The following RAB11FIP3 variants were observed in gnomAD, a reference collection of about 807,000 sequenced individuals.
RAB11FIP3 encodes the protein RAB11 family interacting protein 3.
Under a neutral mutation model 77.8 loss-of-function variants are expected in RAB11FIP3, and 17 were observed. That is an observed-to-expected ratio of 0.22 (90% CI 0.15 to 0.33). The LOEUF (loss-of-function observed/expected upper bound fraction) is 0.33, where lower values mean the gene tolerates loss of function less well. RAB11FIP3 is among the 10% of genes least tolerant of loss of function. The probability of loss-of-function intolerance (pLI) is 1.00; values close to 1 mark genes in which losing one functional copy is unlikely to be tolerated. For missense variants in RAB11FIP3, 1,005 were observed against 1,011.2 expected, an observed-to-expected ratio of 0.99 and a Z score of 0.08; for synonymous variants, 437 against 448.2, an observed-to-expected ratio of 0.98 and a Z score of 0.31.
rs148027841 is a variant in RAB11FIP3, at chr16:492,536, G to A, written c.1265+3536G>A. On this transcript the variant is annotated intron_variant, in intron 5 of 13. Transcript: ENST00000262305. ...GGGCCCTCCCGGGAGACCCGAGGCCGTCCAGAATCTTGGATTCCAAAGATC... is the reference window on the plus strand; with the variant it reads ...GGGCCCTCCCGGGAGACCCGAGGCCATCCAGAATCTTGGATTCCAAAGATC... 6.6e-3 allele frequency among the ~76,000 whole-genome samples: 966 copies of A among 145,808 alleles called. 18 individuals are homozygous for A. Among genetic ancestry groups the A allele is most frequent in the Non-Finnish European group, 9.7e-3 (631 of 65,304 alleles).
intron 6 of RAB11FIP3, among the ~76,000 whole-genome samples, chr16:499,817 AG>A (rs1222015407): frequency 4.7e-5 from 7 of 148,976 alleles, no homozygotes; most frequent in Non-Finnish European, 1.0e-4. Flanking sequence ...AAAAAAAAAA[AG>A]CTCCATCTGC....
rs766743840 is a variant in RAB11FIP3 at position 514,631 on chromosome 16, G to A, written c.1640+3831G>A. On this transcript the variant is annotated intron_variant, in intron 9 of 13. Transcript: ENST00000262305. The surrounding 1 kb of genome is among the most constrained non-coding windows in gnomAD (Gnocchi z 4.6). Reference sequence around the variant, plus strand: ...TGTCATCAGCAGAATGGGGCTGTACGAAGGTCACAGGCAGAGATCTGAATC... The same window carrying A: ...TGTCATCAGCAGAATGGGGCTGTACAAAGGTCACAGGCAGAGATCTGAATC... Among the ~76,000 whole-genome samples the A allele has an allele frequency of 5.9e-5, 9 of 152,204 alleles. No homozygotes were observed. The highest frequency in any genetic ancestry group is 1.7e-4 in the African/African-American group (7 of 41,452).
intron 5 of RAB11FIP3, among the ~76,000 whole-genome samples, chr16:492,709 G>C (rs1321857883): frequency 1.3e-5 from 2 of 152,188 alleles, no homozygotes; most frequent in African/African-American, 2.4e-5. Flanking sequence ...TCACCGATAA[G>C]TTGAGTGCAA....
chr16:485,126 C>A (rs1312464700), intron 4 of RAB11FIP3, among the ~76,000 whole-genome samples: 1 of 152,072 alleles, frequency 6.6e-6, no homozygotes, highest in Non-Finnish European at 1.5e-5. Flanking sequence ...AGAAGAGTTG[C>A]AGGCCACGCA....
intron 1 of RAB11FIP3, among the ~76,000 whole-genome samples, chr16:431,716 C>T (rs531389826): frequency 6.6e-6 from 1 of 151,690 alleles, no homozygotes; most frequent in East Asian, 2.0e-4. Flanking sequence ...AGGTGACTGT[C>T]TATAAAAGTA....
chr16:427,343 G>A (rs1217666750), intron 1 of RAB11FIP3, among the ~76,000 whole-genome samples: 1 of 152,226 alleles, frequency 6.6e-6, no homozygotes, highest in Non-Finnish European at 1.5e-5. Context: ...AATGAGCCTC[G>A]GAGCTTGTTG....
intron 5 of RAB11FIP3, among the ~76,000 whole-genome samples, chr16:492,273 G>C (rs748986783): frequency 5.3e-5 from 8 of 151,432 alleles, no homozygotes; most frequent in African/African-American, 1.9e-4. Context: ...GAGAGGATGG[G>C]GGTGGGGCCC....
chr16:455,369 G>A (rs1227607739), intron 1 of RAB11FIP3, among the ~76,000 whole-genome samples: 2 of 151,486 alleles, frequency 1.3e-5, no homozygotes, highest in Non-Finnish European at 1.5e-5. Flanking sequence ...ATCTACAAAG[G>A]AGGCTGAGGC....
At position 522,251 on chromosome 16, in the gene RAB11FIP3, T is replaced by C. The variant is rs2032733132; in HGVS notation, c.*1412T>C. ...AAACTGTGTATACACATGAAATATA[T>C]ATATATATATATATATATATATGTA... On this transcript the variant is annotated 3_prime_UTR_variant, in exon 14 of 14. Coordinates refer to ENST00000262305, the MANE Select transcript of RAB11FIP3 (RefSeq NM_014700.4). The C allele has an allele frequency of 7.3e-6, 1 of 136,658 alleles. No homozygotes were observed. The highest frequency in any genetic ancestry group is 7.3e-5 in the Admixed American group (1 of 13,720). The allele number at this position is 136,658 out of a possible 1,614,324, so 8.5% of individuals were successfully genotyped here. A position where few individuals can be genotyped will look rare whatever the true frequency, so the allele number is the denominator to read the frequency against.
intron 2 of RAB11FIP3, among the ~76,000 whole-genome samples, chr16:467,312 G>C (rs978796798): frequency 1.3e-5 from 2 of 152,224 alleles, no homozygotes; most frequent in Admixed American, 6.5e-5. Context: ...CTCCTGAAGA[G>C]GATGGTGGGG....
chr16:426,475 G>A lies in RAB11FIP3; in HGVS notation c.469G>A (p.Glu157Lys). 1 of 1,580,896 alleles carries A rather than the reference G, an allele frequency of 6.3e-7. No individual in the cohort carries two copies. Among genetic ancestry groups the A allele is most frequent in the South Asian group, 1.1e-5 (1 of 87,012 alleles). ...GSSSSHRARGEVDVFSPFPAP... is the reference protein window; with the variant it reads ...GSSSSHRARGKVDVFSPFPAP... ...CAGCAGCAGCCACCGAGCGCGGGGC[G>A]AGGTCGACGTCTTCTCTCCCTTCCC... Residue 157 changes from glutamate to lysine, a missense_variant, in exon 1 of 14, where the codon GAG becomes AAG. Physicochemically the swap from Glu to Lys is moderately conservative, Grantham distance 56 (BLOSUM62 1). Transcript: ENST00000262305. The surrounding 1 kb of genome is among the most constrained non-coding windows in gnomAD (Gnocchi z 5.0).
At chr16:429,703 G>A (rs2055005946) in intron 1 of RAB11FIP3, among the ~76,000 whole-genome samples, 1 of 151,966 alleles carries the variant, frequency 6.6e-6, no homozygotes, top group South Asian at 2.1e-4. Flanking sequence ...TTGCCATGTT[G>A]GCCAGGCTGG....
At position 448,035 on chromosome 16, in the gene RAB11FIP3, T is replaced by C. The variant is rs2055345896; in HGVS notation, c.715-13369T>C. Among the ~76,000 whole-genome samples the C allele has an allele frequency of 2.0e-5, 3 of 152,236 alleles. No homozygotes were observed. In the South Asian group the frequency reaches 6.2e-4, roughly 32 times the overall value. On this transcript the variant is annotated intron_variant, in intron 1 of 13. Transcript: ENST00000262305. ...AAATTTGACATATGAAAAAGCGTAT[T>C]GTCCAGGCGCAGTGGCTCACACCTG... is the stretch of plus-strand genomic sequence containing the variant.
In RAB11FIP3 at chr16:462,234, T is replaced by C. The variant is rs547103171; in HGVS notation, c.808+737T>C. ...TAGTTTTGCCTATCTCTCTTTTTTT[T>C]CTTTGAGACTGAGTTTCACTCTTGT... On this transcript the variant is annotated intron_variant, in intron 2 of 13. Coordinates refer to ENST00000262305, the MANE Select transcript of RAB11FIP3 (RefSeq NM_014700.4). 6.4e-4 allele frequency among the ~76,000 whole-genome samples: 98 copies of C among 152,232 alleles called. No individual in the cohort carries two copies. In the South Asian group the frequency reaches 0.019, roughly 29 times the overall value.
At chr16:462,566 G>A (rs568101483) in intron 2 of RAB11FIP3, among the ~76,000 whole-genome samples, 3 of 137,152 alleles carry the variant, frequency 2.2e-5, no homozygotes, top group East Asian at 2.1e-4. Context: ...GAGGGTTCGC[G>A]TGCTCTCACT....
intron 1 of RAB11FIP3, among the ~76,000 whole-genome samples, chr16:453,232 G>A (rs1381964262): frequency 2.6e-5 from 4 of 151,404 alleles, no homozygotes; most frequent in Admixed American, 2.0e-4. Context: ...CCGCCACCAC[G>A]CCTGGCTAAA....
Position 432,557 on chromosome 16 carries a change from C to T in RAB11FIP3, c.714+5837C>T, listed in dbSNP as rs75167983. 6.8e-3 allele frequency among the ~76,000 whole-genome samples: 1,019 copies of T among 149,362 alleles called. 20 individuals are homozygous for T. Among genetic ancestry groups the T allele is most frequent in the African/African-American group, 0.023 (937 of 40,628 alleles). ...ATAGATAAATGTTATAATTTGCATG[C>T]ATGTTGCTTTGAATCTGCTTTTTGA... On this transcript the variant is annotated intron_variant, in intron 1 of 13. Coordinates refer to ENST00000262305, the MANE Select transcript of RAB11FIP3 (RefSeq NM_014700.4).
At chr16:496,691 G>C (rs1476476196) in intron 5 of RAB11FIP3, 133 bp from the exon 6 acceptor site, 9 of 833,758 alleles carry the variant, frequency 1.1e-5, no homozygotes, top group Non-Finnish European at 1.6e-5. Flanking sequence ...GGACTTGCCT[G>C]GGGGGCCCTG....
intron 8 of RAB11FIP3, 58 bp from the exon 9 acceptor site, chr16:510,602 G>A: frequency 6.6e-7 from 1 of 1,520,734 alleles, no homozygotes; most frequent in East Asian, 2.4e-5. Flanking sequence ...CTGGGCATGG[G>A]TGGAGCCACT....
Sources: gnomAD v4.1 joint callset for allele counts (sites outside exome capture counted in the v4.1 genomes callset) on GRCh38, gnomAD v4.1.1 for gene constraint, Gnocchi (gnomAD v3.1) non-coding constraint, MANE v1.5 for transcripts, NCBI Gene and HGNC (gene_info 2026-07-23, HGNC 2026-07-21) for gene names.